The following TGFB2 variants were observed in gnomAD, a reference collection of about 807,000 sequenced individuals.
TGFB2 encodes the protein transforming growth factor beta-2 proprotein.
TGFB2 carries 13 observed loss-of-function variants against 42.7 expected under a neutral mutation model. The observed-to-expected ratio is 0.30, with a 90% confidence interval of 0.20 to 0.48. TGFB2 has a LOEUF of 0.48. Ranked by LOEUF, TGFB2 falls within the 20% of genes least tolerant of loss-of-function variation. The pLI is 0.99. For missense variants in TGFB2, 390 were observed against 517.5 expected (o/e 0.75, Z 2.39); for synonymous variants, 193 against 193.6 (o/e 1.00, Z 0.03).
chr1:218,429,725 C>T (rs1254577779), intron 2 of TGFB2, among the ~76,000 whole-genome samples: 1 of 152,164 alleles, frequency 6.6e-6, no homozygotes, highest in Admixed American at 6.5e-5. Context: ...TGAAGACTTT[C>T]CAAGACAGTC....
rs115887817 is a variant in TGFB2 at position 218,423,657 on chromosome 1, C to T, written c.511-10425C>T. ...AGATTAGGCTTCTAGGGATGAAAGG[C>T]GCGTGTGAGATGATAGGTTGGTGGC... On this transcript the variant is annotated intron_variant, in intron 2 of 6. Coordinates refer to ENST00000366930, the MANE Select transcript of TGFB2 (RefSeq NM_003238.6). 9.4e-3 allele frequency among the ~76,000 whole-genome samples: 1,428 copies of T among 152,120 alleles called. 12 individuals carry two copies. The highest frequency in any genetic ancestry group is 0.015 in the Non-Finnish European group (1,002 of 68,014).
rs886045978 is a variant in TGFB2 at position 218,434,364 on chromosome 1, T to G, written c.670T>G (p.Leu224Val). ...KDRNLGFKIS[L>V]HCPCCTFVPS... Reference sequence around the variant, plus strand: ...CAGGAACCTGGGATTTAAAATAAGCTTACACTGTCCCTGCTGCACTTTTGT... The same window carrying G: ...CAGGAACCTGGGATTTAAAATAAGCGTACACTGTCCCTGCTGCACTTTTGT... Residue 224 changes from leucine (L) to valine (V), a missense_variant, in exon 4 of 7, where the codon TTA (leucine) becomes GTA (valine). Coordinates refer to ENST00000366930, the MANE Select transcript of TGFB2 (RefSeq NM_003238.6). 6.2e-7 allele frequency: 1 copy of G among 1,613,976 alleles called. No homozygotes were observed. Among genetic ancestry groups the G allele is most frequent in the African/African-American group, 1.3e-5 (1 of 75,046 alleles).
chr1:218,357,431 G>A lies in TGFB2; in HGVS notation c.346+10384G>A, dbSNP rs1657075207. Among the ~76,000 whole-genome samples, 5 of 152,322 alleles carry A rather than the reference G, an allele frequency of 3.3e-5. No homozygotes were observed. The South Asian group carries it at 1.0e-3, about 32-fold the overall frequency. ...GGGGCAACCCAGTAACACCACTTCA[G>A]TGATGTGGAAAAACATTGCTGTCCA... is the stretch of plus-strand genomic sequence containing the variant. On this transcript the variant is annotated intron_variant, in intron 1 of 6. Transcript: ENST00000366930.
intron 2 of TGFB2, among the ~76,000 whole-genome samples, chr1:218,414,197 T>A (rs1355059959): frequency 6.6e-6 from 1 of 151,408 alleles, no homozygotes; most frequent in Non-Finnish European, 1.5e-5. Context: ...TAATGAAAAT[T>A]GCCTCTTTTT....
chr1:218,405,159 T>A lies in TGFB2; in HGVS notation c.347-10T>A, dbSNP rs1419643875. 2 of 1,565,874 alleles carry A rather than the reference T, an allele frequency of 1.3e-6. No individual in the cohort carries two copies. The highest frequency in any genetic ancestry group is 1.7e-6 in the Non-Finnish European group (2 of 1,153,392). The stretch of plus-strand genomic sequence containing the variant: ...TTATCATTTTCAATGATTGCCCTAA[T>A]TTTTTACAGATGCCATCCCGCCCAC... On this transcript the variant is annotated splice_polypyrimidine_tract_variant and intron_variant, in intron 1 of 6. Coordinates refer to ENST00000366930, the MANE Select transcript of TGFB2 (RefSeq NM_003238.6).
intron 1 of TGFB2, among the ~76,000 whole-genome samples, chr1:218,382,000 T>G (rs1166672161): frequency 6.6e-6 from 1 of 152,232 alleles, no homozygotes; most frequent in Non-Finnish European, 1.5e-5. Flanking sequence ...GATGAATAAA[T>G]TTTAAGGGGA....
chr1:218,421,688 A>G (rs2102613012), intron 2 of TGFB2, among the ~76,000 whole-genome samples: 1 of 152,318 alleles, frequency 6.6e-6, no homozygotes, highest in Non-Finnish European at 1.5e-5. Context: ...AATCCCCAGT[A>G]CTTTGGAATG....
At chr1:218,357,940 C>G (rs1456875105) in intron 1 of TGFB2, among the ~76,000 whole-genome samples, 1 of 152,138 alleles carries the variant, frequency 6.6e-6, no homozygotes, top group Non-Finnish European at 1.5e-5. Flanking sequence ...TCTTTTTGGT[C>G]TTCTGAAAGA....
At position 218,443,121 on chromosome 1, in the gene TGFB2, A is replaced by G. The variant is rs537236815; in HGVS notation, c.*1759A>G. 37 of 152,360 alleles carry G rather than the reference A, an allele frequency of 2.4e-4. No homozygotes were observed. The highest frequency in any genetic ancestry group is 4.3e-4 in the Non-Finnish European group (29 of 68,028). 9.4% of individuals were successfully genotyped at this position (152,360 alleles called of 1,614,324 possible). A position where few individuals can be genotyped will look rare whatever the true frequency, so the allele number is the denominator to read the frequency against. On this transcript the variant is annotated 3_prime_UTR_variant, in exon 7 of 7. Coordinates refer to ENST00000366930, the MANE Select transcript of TGFB2 (RefSeq NM_003238.6). ...AAATGTTCTTTGAAGGGGAAAAGGC[A>G]CAAGCCAATTTTTCCTATGATCAAA...
At chr1:218,431,189 A>T (rs552450636) in intron 2 of TGFB2, among the ~76,000 whole-genome samples, 1 of 152,318 alleles carries the variant, frequency 6.6e-6, no homozygotes, top group East Asian at 1.9e-4. Context: ...AGTGAAAAAG[A>T]TCCAGAGGAC....
chr1:218,388,327 G>C (rs901315633), intron 1 of TGFB2, among the ~76,000 whole-genome samples: 20 of 152,048 alleles, frequency 1.3e-4, no homozygotes, highest in African/African-American at 4.6e-4. Context: ...GTCACAGTTG[G>C]CCCCCCCACA....
intron 2 of TGFB2, 157 bp downstream of exon 2, chr1:218,405,489 C>T: frequency 7.6e-7 from 1 of 1,310,026 alleles, no homozygotes. Flanking sequence ...CTCAGCCTCC[C>T]TAGTCAATGG....
intron 1 of TGFB2, among the ~76,000 whole-genome samples, chr1:218,354,612 G>A (rs1425291015): frequency 4.6e-5 from 7 of 152,162 alleles, no homozygotes; most frequent in Non-Finnish European, 1.0e-4. Context: ...ATTTCTATTA[G>A]TGATGTGTTA....
intron 1 of TGFB2, among the ~76,000 whole-genome samples, chr1:218,393,381 A>G (rs1658381341): frequency 6.6e-6 from 1 of 152,190 alleles, no homozygotes; most frequent in Non-Finnish European, 1.5e-5. Context: ...TCAAAATAAA[A>G]TGTGCTTCTA....
intron 2 of TGFB2, among the ~76,000 whole-genome samples, chr1:218,425,470 G>A (rs1659592684): frequency 6.6e-6 from 1 of 152,054 alleles, no homozygotes; most frequent in South Asian, 2.1e-4. Context: ...GCCTCCCAAA[G>A]TGCTAGGATT....
chr1:218,381,328 T>G (rs886806618), intron 1 of TGFB2, among the ~76,000 whole-genome samples: 41 of 150,960 alleles, frequency 2.7e-4, no homozygotes, highest in African/African-American at 7.3e-4. Flanking sequence ...CAGTCTTGGC[T>G]CACTGCAAGC....
intron 1 of TGFB2, among the ~76,000 whole-genome samples, chr1:218,365,485 C>G (rs979400453): frequency 1.3e-5 from 2 of 152,042 alleles, no homozygotes; most frequent in Non-Finnish European, 2.9e-5. Flanking sequence ...TGCTCCTCAG[C>G]GAGTCAGGGA....
intron 1 of TGFB2, among the ~76,000 whole-genome samples, chr1:218,384,748 C>T (rs1440131425): frequency 6.6e-6 from 1 of 152,148 alleles, no homozygotes; most frequent in South Asian, 2.1e-4. Flanking sequence ...CCATTCACAC[C>T]CCTAGAGTCT....
At chr1:218,398,225 T>C (rs1182151739) in intron 1 of TGFB2, among the ~76,000 whole-genome samples, 1 of 152,260 alleles carries the variant, frequency 6.6e-6, no homozygotes, top group Non-Finnish European at 1.5e-5. Context: ...CACGGATTCC[T>C]AGGCAAGGCT....
Sources: allele counts gnomAD v4.1 joint callset (sites outside exome capture counted in the v4.1 genomes callset), GRCh38; gene constraint gnomAD v4.1.1; transcripts MANE v1.5; gene names NCBI Gene and HGNC (gene_info 2026-07-23, HGNC 2026-07-21).